The following BANP variants were observed in gnomAD, a reference collection of about 807,000 sequenced individuals.
BANP encodes BTG3 associated nuclear protein.
A neutral mutation model predicts 68.1 loss-of-function variants in BANP; 11 were observed. The observed-to-expected ratio is 0.16, with a 90% CI of 0.10 to 0.27. The LOEUF (loss-of-function observed/expected upper bound fraction) is 0.27, where lower values mean the gene tolerates loss of function less well. Ranked by LOEUF, BANP falls within the 10% of genes least tolerant of loss-of-function variation. BANP has a pLI of 1.00. For missense variants in BANP, 504 were observed against 722.7 expected (o/e 0.70, Z 3.47); for synonymous variants, 329 against 303.2 (o/e 1.09, Z -0.88).
intron 11 of BANP, among the ~76,000 whole-genome samples, chr16:88,046,538 A>G (rs1742975678): frequency 6.6e-6 from 1 of 151,936 alleles, no homozygotes; most frequent in Admixed American, 6.6e-5. Context: ...AATTTTTTAA[A>G]AATGTTTTTA....
chr16:88,007,647 C>T (rs967764406), intron 6 of BANP, among the ~76,000 whole-genome samples: 1 of 152,248 alleles, frequency 6.6e-6, no homozygotes, highest in South Asian at 2.1e-4. Context: ...AGTTTTTCTG[C>T]ATCTGCGTCT....
At chr16:87,975,786 T>A (rs1196910334) in intron 2 of BANP, among the ~76,000 whole-genome samples, 1 of 145,046 alleles carries the variant, frequency 6.9e-6, no homozygotes, top group Non-Finnish European at 1.5e-5. Flanking sequence ...CTTACCATGT[T>A]GTGTGTGTAA....
chr16:88,070,056 A>C lies in BANP; in HGVS notation c.1378-2013A>C, dbSNP rs1481950448. ...AAAGATCCACTTCCGCTTCATGAAT[A>C]GCAGCCATATTTCCTCTCGCCTGTG... On this transcript the variant is annotated intron_variant, in intron 12 of 13. Transcript: ENST00000682872. 1.8e-4 allele frequency among the ~76,000 whole-genome samples: 27 copies of C among 151,302 alleles called. 1 individual carries two copies. The highest frequency in any genetic ancestry group is 1.8e-3 in the Admixed American group (27 of 15,246).
At position 88,064,489 on chromosome 16, in the gene BANP, G is replaced by A. The variant is rs2087869806; in HGVS notation, c.1312-778G>A. Reference sequence around the variant, plus strand: ...CTTGAATGAGCAAAACAACCCACCTGCCTCCCACGGACAGATGCTCCCAGG... The same window carrying A: ...CTTGAATGAGCAAAACAACCCACCTACCTCCCACGGACAGATGCTCCCAGG... On this transcript the variant is annotated intron_variant, in intron 11 of 13. Transcript: ENST00000682872. The surrounding 1 kb of genome is among the most constrained non-coding windows in gnomAD (Gnocchi z 4.5). Among the ~76,000 whole-genome samples the A allele has an allele frequency of 6.6e-6, 1 of 152,244 alleles. No homozygotes were observed. Among genetic ancestry groups the A allele is most frequent in the Non-Finnish European group, 1.5e-5 (1 of 68,044 alleles).
intron 13 of BANP, among the ~76,000 whole-genome samples, chr16:88,075,359 C>T (rs1046874015): frequency 1.2e-4 from 18 of 152,098 alleles, no homozygotes; most frequent in Middle Eastern, 3.2e-3. Context: ...AAAATTTAGC[C>T]GGGCGTGGTG....
chr16:88,035,419 T>G (rs1174076177), intron 10 of BANP, 25 bp downstream of exon 10: 27 of 1,584,088 alleles, frequency 1.7e-5, no homozygotes, highest in Non-Finnish European at 2.3e-5. Flanking sequence ...GCTGCAGCAC[T>G]GTCCCTGCAG....
chr16:87,986,005 A>G (rs1184116384), intron 4 of BANP, among the ~76,000 whole-genome samples: 2 of 152,212 alleles, frequency 1.3e-5, no homozygotes, highest in Admixed American at 1.3e-4. Flanking sequence ...GCTCTGGTTC[A>G]TTGTAAGTTA....
At chr16:88,051,848 C>T (rs902084963) in intron 11 of BANP, among the ~76,000 whole-genome samples, 1 of 152,162 alleles carries the variant, frequency 6.6e-6, no homozygotes, top group Admixed American at 6.5e-5. Flanking sequence ...ATTAAAAAAT[C>T]TAGATTTAAA....
intron 1 of BANP, among the ~76,000 whole-genome samples, chr16:87,953,071 C>A (rs1194927231): frequency 2.0e-5 from 3 of 152,114 alleles, no homozygotes; most frequent in African/African-American, 7.2e-5. Context: ...TTCATCATGA[C>A]CCAGGAGGCA....
chr16:87,966,269 C>T (rs1253142298), intron 1 of BANP, among the ~76,000 whole-genome samples: 1 of 152,020 alleles, frequency 6.6e-6, no homozygotes, highest in Non-Finnish European at 1.5e-5. Flanking sequence ...CCCTGCTTTC[C>T]CATATGCGCC....
At chr16:88,026,348 G>A (rs550038073) in intron 7 of BANP, among the ~76,000 whole-genome samples, 3 of 152,308 alleles carry the variant, frequency 2.0e-5, no homozygotes, top group South Asian at 2.1e-4. Context: ...ATAGAGAGGC[G>A]TCGGGAATGA....
At chr16:87,983,973 T>C in intron 3 of BANP, 87 bp from the exon 4 acceptor site, 2 of 1,451,544 alleles carry the variant, frequency 1.4e-6, no homozygotes, top group Non-Finnish European at 1.8e-6. Context: ...AGAGTTGAGA[T>C]CAGGAAATAG....
chr16:88,046,279 C>G (rs2082008746), intron 11 of BANP, among the ~76,000 whole-genome samples: 1 of 152,186 alleles, frequency 6.6e-6, no homozygotes, highest in Admixed American at 6.5e-5. Context: ...ACTGCGTACT[C>G]AAAGCATTAG....
intron 9 of BANP, among the ~76,000 whole-genome samples, chr16:88,033,568 G>A (rs759766940): frequency 5.9e-5 from 9 of 152,148 alleles, no homozygotes; most frequent in Admixed American, 1.3e-4. Flanking sequence ...GCCCCAGCTC[G>A]TGCTCCTGGG....
intron 1 of BANP, chr16:87,970,249 A>T (rs1313790034): frequency 1.3e-5 from 2 of 152,208 alleles, no homozygotes. Flanking sequence ...TGGCCTCTGT[A>T]TATCCTGTCA....
intron 12 of BANP, among the ~76,000 whole-genome samples, chr16:88,070,128 A>G (rs2089947966): frequency 2.0e-5 from 3 of 152,196 alleles, no homozygotes; most frequent in Admixed American, 1.3e-4. Context: ...TTAGAGGAAT[A>G]CAGGTGATGG....
intron 11 of BANP, among the ~76,000 whole-genome samples, chr16:88,045,701 C>T (rs530779690): frequency 2.0e-5 from 3 of 150,308 alleles, no homozygotes; most frequent in Admixed American, 6.7e-5. Flanking sequence ...CCTTTCTTCT[C>T]CCTGAGGCCA....
Position 88,076,879 on chromosome 16 carries a change from G to A in BANP, c.*218G>A, listed in dbSNP as rs1315989845. ...CCCCTTTCGTTTGAGTCCTGCTGTTGGTGTCGGAGCACGAGGGGAGGCACG... is the reference window on the plus strand; with the variant it reads ...CCCCTTTCGTTTGAGTCCTGCTGTTAGTGTCGGAGCACGAGGGGAGGCACG... On this transcript the variant is annotated 3_prime_UTR_variant, in exon 14 of 14. Coordinates refer to ENST00000682872, the MANE Select transcript of BANP (RefSeq NM_001386991.1). 2 of 548,882 alleles carry A rather than the reference G, an allele frequency of 3.6e-6. No individual in the cohort carries two copies. Among genetic ancestry groups the A allele is most frequent in the South Asian group, 4.8e-5 (2 of 41,570 alleles). The allele number at this position is 548,882 out of a possible 1,614,324, so 34.0% of individuals were successfully genotyped here.
At chr16:88,037,660 G>A (rs1400931010) in intron 10 of BANP, 2 of 391,772 alleles carry the variant, frequency 5.1e-6, no homozygotes, top group South Asian at 2.4e-5. Flanking sequence ...GCTACTTTCT[G>A]TACTTTTTGT....
Sources: allele counts gnomAD v4.1 joint callset (sites outside exome capture counted in the v4.1 genomes callset), GRCh38; gene constraint gnomAD v4.1.1; non-coding constraint Gnocchi (gnomAD v3.1); transcripts MANE v1.5; gene names NCBI Gene and HGNC (gene_info 2026-07-23, HGNC 2026-07-21).